Variants in ECSCR observed in about 807,000 individuals in gnomAD.
The protein encoded by ECSCR is endothelial cell-specific chemotaxis regulator.
In ECSCR, 12 loss-of-function variants were observed where a neutral mutation model predicts 16.7. The observed-to-expected ratio is 0.72, with a 90% CI of 0.46 to 1.17. ECSCR has a LOEUF of 1.17. ECSCR is among the 50% of genes most tolerant of loss of function. The pLI is 0.00. For missense variants in ECSCR, 122 were observed against 116.1 expected (o/e 1.05, Z -0.23); for synonymous variants, 44 against 42.2 (o/e 1.04, Z -0.17).
chr5:139,452,329 G>A (rs1264502108), intron 8 of ECSCR, among the ~76,000 whole-genome samples: 1 of 149,304 alleles, frequency 6.7e-6, no homozygotes, highest in Non-Finnish European at 1.5e-5. Flanking sequence ...AGTATGGGGT[G>A]TGTGTGTGTG....
intron 1 of ECSCR, among the ~76,000 whole-genome samples, chr5:139,458,813 T>C (rs1016966896): frequency 6.8e-6 from 1 of 146,196 alleles, no homozygotes; most frequent in Admixed American, 6.9e-5. Context: ...GCCATTGCAC[T>C]CCAGCCTGGG....
At chr5:139,455,851 C>T (rs919612864) in intron 5 of ECSCR, among the ~76,000 whole-genome samples, 2 of 146,436 alleles carry the variant, frequency 1.4e-5, no homozygotes, top group African/African-American at 2.5e-5. Flanking sequence ...AGACCGGGCA[C>T]GGTGGCTCAC....
chr5:139,459,979 G>A (rs1440999722), intron 1 of ECSCR, among the ~76,000 whole-genome samples: 1 of 152,222 alleles, frequency 6.6e-6, no homozygotes, highest in Non-Finnish European at 1.5e-5. Flanking sequence ...TTGGCGAGAG[G>A]GGGATGGTCA....
intron 8 of ECSCR, among the ~76,000 whole-genome samples, chr5:139,454,244 G>A (rs1396677325): frequency 6.8e-6 from 1 of 148,052 alleles, no homozygotes; most frequent in Non-Finnish European, 1.5e-5. Context: ...GGGGTCGTGT[G>A]GTGTGTGAGA....
chr5:139,460,441 A>C (rs1751273208), intron 1 of ECSCR, among the ~76,000 whole-genome samples: 1 of 152,078 alleles, frequency 6.6e-6, no homozygotes, highest in Non-Finnish European at 1.5e-5. Context: ...GGCCTAATGT[A>C]CTATCTAAAT....
Position 139,450,481 on chromosome 5 carries a change from A to G in ECSCR, c.513-1307T>C, listed in dbSNP as rs1257623545. 9.7e-5 allele frequency among the ~76,000 whole-genome samples: 4 copies of G among 41,288 alleles called. No homozygotes were observed. The Admixed American group carries it at 1.3e-3, about 13-fold the overall frequency. The allele number at this position is 41,288 out of a possible 152,430, so 27.1% of individuals were successfully genotyped here. On this transcript the variant is annotated intron_variant, in intron 8 of 9. Coordinates refer to ENST00000618155, the MANE Select transcript of ECSCR (RefSeq NM_001077693.4). Reference sequence around the variant, plus strand: ...GCAACAGAGCAAGCCTGTCCCTTAAAAAAAAAAAAAAAAAGGCTGGGCATG... The same window carrying G: ...GCAACAGAGCAAGCCTGTCCCTTAAGAAAAAAAAAAAAAAGGCTGGGCATG...
At position 139,458,045 on chromosome 5, in the gene ECSCR, C is replaced by T. The variant is rs185558949; in HGVS notation, c.106+94G>A. 451 of 1,393,576 alleles carry T rather than the reference C, an allele frequency of 3.2e-4. 1 individual carries two copies. The African/African-American group carries it at 5.8e-3, about 18-fold the overall frequency. 86.3% of individuals were successfully genotyped at this position (1,393,576 alleles called of 1,614,324 possible). On this transcript the variant is annotated intron_variant, in intron 2 of 9. Transcript: ENST00000618155. ...CCCGCTCCAGCTGCGGCCCCAGCCC[C>T]CTGAGGTTAAGGCTAAATTGGCATA... is the stretch of plus-strand genomic sequence containing the variant.
Position 139,448,571 on chromosome 5 carries a change from A to C in ECSCR, c.*329T>G, listed in dbSNP as rs2030780005. 4 of 428,950 alleles carry C rather than the reference A, an allele frequency of 9.3e-6. No homozygotes were observed. The South Asian group carries it at 1.5e-4, about 16-fold the overall frequency. 26.6% of individuals were successfully genotyped at this position (428,950 alleles called of 1,614,324 possible). A position where few individuals can be genotyped will look rare whatever the true frequency, so the allele number is the denominator to read the frequency against. On this transcript the variant is annotated 3_prime_UTR_variant, in exon 10 of 10. Coordinates refer to ENST00000618155, the MANE Select transcript of ECSCR (RefSeq NM_001077693.4). ...AAAAGTAATTAGACTGCAGGCTAGA[A>C]AATAATTTTAATGCAAAGTAGAAAG...
chr5:139,460,133 G>GT (rs534175242), intron 1 of ECSCR, among the ~76,000 whole-genome samples: 5,756 of 140,718 alleles, frequency 0.041, 321 homozygotes, highest in African/African-American at 0.13. Context: ...TGTATTTTTT[G>GT]TTTTTTTTTT....
chr5:139,449,962 C>T (rs1370477657), intron 8 of ECSCR, among the ~76,000 whole-genome samples: 1 of 152,012 alleles, frequency 6.6e-6, no homozygotes, highest in African/African-American at 2.4e-5. Context: ...GTGGCACCAT[C>T]TCAGCTCACT....
In ECSCR at chr5:139,461,256, A is replaced by G. The variant is rs546736212; in HGVS notation, c.61+1354T>C. Among the ~76,000 whole-genome samples, 14 of 152,324 alleles carry G rather than the reference A, an allele frequency of 9.2e-5. No individual in the cohort carries two copies. The South Asian group carries it at 2.7e-3, about 29-fold the overall frequency. Reference sequence around the variant, plus strand: ...TGAAGCACTTAACGCAGTGCCTGACATGCTCAATGAAGGCCAGACACTTTT... The same window carrying G: ...TGAAGCACTTAACGCAGTGCCTGACGTGCTCAATGAAGGCCAGACACTTTT... On this transcript the variant is annotated intron_variant, in intron 1 of 9. Coordinates refer to ENST00000618155, the MANE Select transcript of ECSCR (RefSeq NM_001077693.4).
chr5:139,455,227 T>C (rs1181188993), intron 6 of ECSCR, 96 bp downstream of exon 6: 1 of 361,572 alleles, frequency 2.8e-6, no homozygotes, highest in Non-Finnish European at 4.7e-6. Context: ...CTGGAACAAA[T>C]GGGTGAGATT....
chr5:139,449,880 T>C (rs1013918850), intron 8 of ECSCR, among the ~76,000 whole-genome samples: 3 of 151,550 alleles, frequency 2.0e-5, no homozygotes, highest in Non-Finnish European at 4.4e-5. Context: ...AGCCATCGCA[T>C]CCGCTAAAGC....
intron 1 of ECSCR, 149 bp from the exon 2 acceptor site, chr5:139,458,332 T>C: frequency 1.4e-6 from 1 of 713,252 alleles, no homozygotes; most frequent in Admixed American, 2.9e-5. Context: ...TTTGTTTTTT[T>C]TTTTTTTTTA....
In ECSCR at chr5:139,456,108, C is replaced by T. The variant is rs961608358; in HGVS notation, c.262+366G>A. On this transcript the variant is annotated intron_variant, in intron 5 of 9. Transcript: ENST00000618155. Reference sequence around the variant, plus strand: ...CTGCACTCCAGCATAGGCAACAGAGCGAGACTCTGTCTCAAAACAAAAAAC... The same window carrying T: ...CTGCACTCCAGCATAGGCAACAGAGTGAGACTCTGTCTCAAAACAAAAAAC... Among the ~76,000 whole-genome samples, 9 of 152,094 alleles carry T rather than the reference C, an allele frequency of 5.9e-5. No individual in the cohort carries two copies. The South Asian group carries it at 1.4e-3, about 25-fold the overall frequency.
At chr5:139,460,417 G>A (rs1179892348) in intron 1 of ECSCR, among the ~76,000 whole-genome samples, 1 of 152,186 alleles carries the variant, frequency 6.6e-6, no homozygotes, top group Non-Finnish European at 1.5e-5. Context: ...TCACAGGCGT[G>A]AGCCACCGAG....
chr5:139,462,676 C>T lies in ECSCR; in HGVS notation c.-6G>A. 1 of 1,415,636 alleles carries T rather than the reference C, an allele frequency of 7.1e-7. No individual in the cohort carries two copies. The highest frequency in any genetic ancestry group is 1.2e-5 in the South Asian group (1 of 84,646). 87.7% of individuals were successfully genotyped at this position (1,415,636 alleles called of 1,614,324 possible). A position where few individuals can be genotyped will look rare whatever the true frequency, so the allele number is the denominator to read the frequency against. On this transcript the variant is annotated 5_prime_UTR_variant, in exon 1 of 10. Transcript: ENST00000618155. ...ATGGCTCCTGCGGTGCCCATGTCAG[C>T]TGGGTATGTGGCGGGCAGGCAGCAG...
chr5:139,461,124 T>C (rs1751292004), intron 1 of ECSCR, among the ~76,000 whole-genome samples: 1 of 152,180 alleles, frequency 6.6e-6, no homozygotes. Flanking sequence ...ATCATGCCAC[T>C]GCAACTCTGG....
intron 9 of ECSCR, 84 bp from the exon 10 acceptor site, chr5:139,448,992 G>C: frequency 1.3e-6 from 2 of 1,533,992 alleles, no homozygotes; most frequent in East Asian, 2.4e-5. Context: ...CAGAGTCTTT[G>C]AAAGTATCTC....
Sources: gnomAD v4.1 joint callset for allele counts (sites outside exome capture counted in the v4.1 genomes callset) on GRCh38, gnomAD v4.1.1 for gene constraint, MANE v1.5 for transcripts, NCBI Gene and HGNC (gene_info 2026-07-23, HGNC 2026-07-21) for gene names.